RNLS: variants seen among roughly 807,000 people sequenced by gnomAD.
RNLS encodes renalase.
In RNLS, 39 loss-of-function variants were observed where a neutral mutation model predicts 39.8. That is an observed-to-expected ratio of 0.98 (90% CI 0.76 to 1.28). The LOEUF is 1.28. RNLS is among the 50% of genes most tolerant of loss of function. The pLI is 0.00. For synonymous variants in RNLS, 147 were observed against 150.7 expected (o/e 0.98, Z 0.18); for missense variants, 410 against 413.3 (o/e 0.99, Z 0.07).
chr10:88,244,583 G>C, the RNLS span, among the ~76,000 whole-genome samples: 2 of 152,274 alleles, frequency 1.3e-5, no homozygotes, highest in Middle Eastern at 3.4e-3. Flanking sequence ...CAAAAAACAA[G>C]ATGATTCAAA....
chr10:88,363,480 G>A (rs1849797580), intron 4 of RNLS, among the ~76,000 whole-genome samples: 1 of 152,058 alleles, frequency 6.6e-6, no homozygotes, highest in African/African-American at 2.4e-5. Flanking sequence ...GTCATAGAGT[G>A]ATTTGTTTGC....
intron 4 of RNLS, among the ~76,000 whole-genome samples, chr10:88,432,239 T>A (rs1220418236): frequency 6.6e-6 from 1 of 151,836 alleles, no homozygotes; most frequent in Admixed American, 6.6e-5. Context: ...TATTCTTTGT[T>A]CTAAAACCTA....
rs906135690 is a variant in RNLS, at chr10:88,350,060, G to A, written c.700+12492C>T. ...TATTTTAAAACAAAAGCCCAAACGG[G>A]AAACCTGACAGTTTTTCATGATTAT... On this transcript the variant is annotated intron_variant, in intron 5 of 6. Coordinates refer to ENST00000331772, the MANE Select transcript of RNLS (RefSeq NM_001031709.3). 5.9e-5 allele frequency among the ~76,000 whole-genome samples: 9 copies of A among 152,170 alleles called. No homozygotes were observed. In the East Asian group the frequency reaches 9.7e-4, roughly 16 times the overall value.
chr10:88,216,553 A>G, the RNLS span, among the ~76,000 whole-genome samples: 2 of 152,208 alleles, frequency 1.3e-5, no homozygotes, highest in Non-Finnish European at 2.9e-5. Context: ...AAAAATCCTG[A>G]GAATGACACT....
chr10:88,226,783 T>A, the RNLS span, among the ~76,000 whole-genome samples: 1 of 120,882 alleles, frequency 8.3e-6, no homozygotes, highest in South Asian at 2.9e-4. Context: ...GGAGGAGGAA[T>A]CTAAAAACTT....
At chr10:88,356,845 CT>C (rs1200356762) in intron 5 of RNLS, among the ~76,000 whole-genome samples, 12 of 107,938 alleles carry the variant, frequency 1.1e-4, no homozygotes, top group African/African-American at 3.3e-4. Context: ...GCCATCACAT[CT>C]CTAGAATTCA....
At position 88,471,980 on chromosome 10, in the gene RNLS, C is replaced by T. The variant is rs548652421; in HGVS notation, c.526+100923G>A. 2.0e-5 allele frequency among the ~76,000 whole-genome samples: 3 copies of T among 152,206 alleles called. No individual in the cohort carries two copies. The South Asian group carries it at 6.2e-4, about 32-fold the overall frequency. ...AAAAAGTCTTCACCATAAATCACAT[C>T]GTCAGGATAAATTTATCTGTACAGC... On this transcript the variant is annotated intron_variant, in intron 4 of 6. Transcript: ENST00000331772.
chr10:88,536,016 C>T (rs11202766), intron 4 of RNLS, among the ~76,000 whole-genome samples: 29,489 of 152,078 alleles, frequency 0.19, 3,169 homozygotes, highest in Middle Eastern at 0.3. Context: ...GAGATGGTAT[C>T]TAGAGGTGAT....
At chr10:88,196,947 A>G in the RNLS span, among the ~76,000 whole-genome samples, 1 of 152,206 alleles carries the variant, frequency 6.6e-6, no homozygotes, top group Non-Finnish European at 1.5e-5. Context: ...AGCTAATTCT[A>G]TACATTGGAT....
chr10:88,439,336 A>G (rs1374049319), intron 4 of RNLS, among the ~76,000 whole-genome samples: 2 of 152,166 alleles, frequency 1.3e-5, no homozygotes, highest in Non-Finnish European at 1.5e-5. Flanking sequence ...ATAAGCCCCA[A>G]CACTTCCAGG....
intron 4 of RNLS, among the ~76,000 whole-genome samples, chr10:88,364,236 T>A (rs1057176100): frequency 4.6e-5 from 7 of 152,132 alleles, no homozygotes; most frequent in Non-Finnish European, 1.0e-4. Flanking sequence ...TAAAATATCC[T>A]AATCTACAAC....
chr10:88,546,755 A>G (rs1177816670), intron 4 of RNLS, among the ~76,000 whole-genome samples: 2 of 152,222 alleles, frequency 1.3e-5, no homozygotes, highest in African/African-American at 4.8e-5. Context: ...TCCAGGCAAG[A>G]AATGTTAAAA....
intron 4 of RNLS, among the ~76,000 whole-genome samples, chr10:88,394,396 C>T (rs1398988452): frequency 1.3e-5 from 2 of 152,158 alleles, no homozygotes; most frequent in Non-Finnish European, 2.9e-5. Flanking sequence ...TATGAACAGG[C>T]ACTTCTCAAA....
chr10:88,183,717 G>A, the RNLS span, among the ~76,000 whole-genome samples: 12 of 152,164 alleles, frequency 7.9e-5, no homozygotes, highest in Admixed American at 2.6e-4. Context: ...GGAACATCTT[G>A]TGTTTTGCCT....
At chr10:88,251,928 C>A in the RNLS span, among the ~76,000 whole-genome samples, 3 of 152,132 alleles carry the variant, frequency 2.0e-5, no homozygotes, top group African/African-American at 7.2e-5. Flanking sequence ...AATGGTGCAC[C>A]ACACCACAGT....
rs115472061 is a variant in RNLS at position 88,523,306 on chromosome 10, A to G, written c.526+49597T>C. ...ATGCATCCCACTGTGCCATTCAGAA[A>G]ATAACTGGATTGTATATTTGCAGGC... On this transcript the variant is annotated intron_variant, in intron 4 of 6. Transcript: ENST00000331772. 4.5e-3 allele frequency among the ~76,000 whole-genome samples: 690 copies of G among 152,258 alleles called. 4 individuals are homozygous for G. The highest frequency in any genetic ancestry group is 0.016 in the African/African-American group (651 of 41,554).
the RNLS span, among the ~76,000 whole-genome samples, chr10:88,233,582 C>T: frequency 4.6e-5 from 7 of 152,284 alleles, no homozygotes; most frequent in East Asian, 1.9e-4. Flanking sequence ...GGGATAAGTA[C>T]GTCCCATGCA....
At chr10:88,471,497 G>A (rs1330331368) in intron 4 of RNLS, among the ~76,000 whole-genome samples, 1 of 152,072 alleles carries the variant, frequency 6.6e-6, no homozygotes, top group African/African-American at 2.4e-5. Context: ...TAAGGGGAAG[G>A]GATTTTATCA....
At chr10:88,305,462 A>G (rs1409024505) in intron 6 of RNLS, among the ~76,000 whole-genome samples, 4 of 152,308 alleles carry the variant, frequency 2.6e-5, no homozygotes, top group East Asian at 1.9e-4. Flanking sequence ...CTCACATGCA[A>G]TGATGCATAT....
Sources: gnomAD v4.1 joint callset for allele counts (sites outside exome capture counted in the v4.1 genomes callset) on GRCh38, gnomAD v4.1.1 for gene constraint, MANE v1.5 for transcripts, NCBI Gene and HGNC (gene_info 2026-07-23, HGNC 2026-07-21) for gene names.